Variants in APBB1IP observed in about 807,000 individuals in gnomAD.
The protein encoded by APBB1IP is amyloid beta precursor protein binding family B member 1 interacting protein.
APBB1IP carries 27 observed loss-of-function variants against 64.9 expected under a neutral mutation model. The observed-to-expected ratio is 0.42, with a 90% CI of 0.31 to 0.57. The LOEUF is 0.57. Ranked by LOEUF, APBB1IP falls within the 20% of genes least tolerant of loss-of-function variation. The pLI is 0.20. For missense variants in APBB1IP, 812 were observed against 845.5 expected, an observed-to-expected ratio of 0.96 and a Z score of 0.49; for synonymous variants, 392 against 331.0, an observed-to-expected ratio of 1.18 and a Z score of -2.00.
intron 2 of APBB1IP, among the ~76,000 whole-genome samples, chr10:26,482,219 G>A (rs1392219559): frequency 6.6e-6 from 1 of 152,080 alleles, no homozygotes; most frequent in Non-Finnish European, 1.5e-5. Flanking sequence ...TGGTTAAGTT[G>A]GCCCAAGAGG....
chr10:26,535,521 C>G (rs574611543), intron 9 of APBB1IP, among the ~76,000 whole-genome samples: 2 of 152,094 alleles, frequency 1.3e-5, no homozygotes, highest in African/African-American at 2.4e-5. Flanking sequence ...ACTATAGTCA[C>G]CCTGCTTTGC....
intron 2 of APBB1IP, among the ~76,000 whole-genome samples, chr10:26,459,679 A>G (rs1589192675): frequency 6.6e-6 from 1 of 152,162 alleles, no homozygotes. Context: ...TCAGCTGTTA[A>G]GGAAAATGTT....
intron 2 of APBB1IP, among the ~76,000 whole-genome samples, chr10:26,470,959 T>C (rs143251443): frequency 3.3e-5 from 5 of 152,188 alleles, no homozygotes; most frequent in Non-Finnish European, 5.9e-5. Context: ...GGCTTCATGA[T>C]AGTAAGAGCA....
chr10:26,449,530 T>G (rs1044326077), intron 2 of APBB1IP, among the ~76,000 whole-genome samples: 1 of 152,156 alleles, frequency 6.6e-6, no homozygotes, highest in East Asian at 1.9e-4. Context: ...TTGTTTTGTT[T>G]TGTGTGTGTG....
At chr10:26,510,485 C>T (rs1836238059) in intron 6 of APBB1IP, among the ~76,000 whole-genome samples, 1 of 152,090 alleles carries the variant, frequency 6.6e-6, no homozygotes, top group Non-Finnish European at 1.5e-5. Flanking sequence ...GTAATCCCAG[C>T]ACTTTAGGCC....
At chr10:26,505,611 C>A (rs1836164890) in intron 6 of APBB1IP, among the ~76,000 whole-genome samples, 1 of 151,966 alleles carries the variant, frequency 6.6e-6, no homozygotes, top group African/African-American at 2.4e-5. Flanking sequence ...TCCCAAAGTG[C>A]TGGGATTACA....
At position 26,503,186 on chromosome 10, in the gene APBB1IP, C is replaced by T; in HGVS notation, c.454-11C>T. On this transcript the variant is annotated splice_polypyrimidine_tract_variant and intron_variant, in intron 5 of 14. Transcript: ENST00000376236. ...ATGGACTGTATTGAAGAATATCTTG[C>T]CCTTTTCCAGGAAGAGGAAGAAGCC... 2 of 1,613,694 alleles carry T rather than the reference C, an allele frequency of 1.2e-6. No individual in the cohort carries two copies. The highest frequency in any genetic ancestry group is 1.7e-6 in the Non-Finnish European group (2 of 1,179,766).
At chr10:26,562,551 G>C in intron 14 of APBB1IP, 122 bp downstream of exon 14, 1 of 739,986 alleles carries the variant, frequency 1.4e-6, no homozygotes. Flanking sequence ...TGTAATCCCA[G>C]AACTTTGGGA....
rs35100053 is a variant in APBB1IP, at chr10:26,530,688, C to CA, written c.814-2737dup. Among the ~76,000 whole-genome samples, 296 of 145,362 alleles carry CA rather than the reference C, an allele frequency of 2.0e-3. 1 individual carries two copies. The highest frequency in any genetic ancestry group is 5.1e-3 in the African/African-American group (204 of 39,738). ...CTGGCGACAGAGCAAGACTCTGTCT[C>CA]AAAAAAAAAAAAAATTATTTAATAA... On this transcript the variant is annotated intron_variant, in intron 8 of 14. Transcript: ENST00000376236.
rs532499829 is a variant in APBB1IP at position 26,447,537 on chromosome 10, A to C, written c.-1+8684A>C. 5.3e-5 allele frequency among the ~76,000 whole-genome samples: 8 copies of C among 152,252 alleles called. No individual in the cohort carries two copies. The South Asian group carries it at 1.7e-3, about 32-fold the overall frequency. On this transcript the variant is annotated intron_variant, in intron 2 of 14. Coordinates refer to ENST00000376236, the MANE Select transcript of APBB1IP (RefSeq NM_019043.4). Reference sequence around the variant, plus strand: ...AATCTAATGTAACATAGAATGAGTAATATTCAGATTACATTAATGTGATGT... The same window carrying C: ...AATCTAATGTAACATAGAATGAGTACTATTCAGATTACATTAATGTGATGT...
Position 26,542,857 on chromosome 10 carries a change from C to G in APBB1IP, c.1155+1165C>G, listed in dbSNP as rs797019847. Among the ~76,000 whole-genome samples the G allele has an allele frequency of 4.0e-5, 6 of 151,178 alleles. No individual in the cohort carries two copies. The South Asian group carries it at 1.0e-3, about 26-fold the overall frequency. The stretch of plus-strand genomic sequence containing the variant: ...CTATACTAGCTCAGTCAGCCTGATA[C>G]TCCCCCAGTGGTTCTCAACCAGGCA... On this transcript the variant is annotated intron_variant, in intron 11 of 14. Coordinates refer to ENST00000376236, the MANE Select transcript of APBB1IP (RefSeq NM_019043.4).
chr10:26,533,873 A>G (rs1390333592), intron 9 of APBB1IP, among the ~76,000 whole-genome samples: 3 of 152,052 alleles, frequency 2.0e-5, no homozygotes, highest in Admixed American at 2.0e-4. Flanking sequence ...ATGCTCTCTC[A>G]ACATTTTAGA....
At position 26,455,900 on chromosome 10, in the gene APBB1IP, C is replaced by A. The variant is rs1008295655; in HGVS notation, c.-1+17047C>A. 8.5e-5 allele frequency among the ~76,000 whole-genome samples: 13 copies of A among 152,230 alleles called. No homozygotes were observed. The South Asian group carries it at 2.1e-3, about 24-fold the overall frequency. Reference sequence around the variant, plus strand: ...TATTAGCTGAAAAAATGGAAACAACCCAAATGTCCATCAACTAATAAAAAG... The same window carrying A: ...TATTAGCTGAAAAAATGGAAACAACACAAATGTCCATCAACTAATAAAAAG... On this transcript the variant is annotated intron_variant, in intron 2 of 14. Coordinates refer to ENST00000376236, the MANE Select transcript of APBB1IP (RefSeq NM_019043.4).
At chr10:26,531,914 C>A (rs1430393131) in intron 8 of APBB1IP, among the ~76,000 whole-genome samples, 2 of 152,088 alleles carry the variant, frequency 1.3e-5, no homozygotes, top group African/African-American at 4.8e-5. Flanking sequence ...TGACTGCACT[C>A]CAGCTTGGGT....
intron 8 of APBB1IP, among the ~76,000 whole-genome samples, chr10:26,523,757 C>G (rs1348892149): frequency 6.6e-6 from 1 of 151,688 alleles, no homozygotes; most frequent in East Asian, 1.9e-4. Context: ...TCACTTGAGG[C>G]TAGGAGTTCA....
chr10:26,438,931 A>T (rs1211102004), intron 2 of APBB1IP, 78 bp downstream of exon 2: 1 of 152,128 alleles, frequency 6.6e-6, no homozygotes, highest in Non-Finnish European at 1.5e-5. Context: ...CCCGTTTGTC[A>T]AGCCCGTCGG....
intron 4 of APBB1IP, among the ~76,000 whole-genome samples, chr10:26,497,522 A>G (rs1036190094): frequency 6.6e-5 from 10 of 151,296 alleles, no homozygotes; most frequent in African/African-American, 9.7e-5. Context: ...CTGCACTCCA[A>G]CCTGGGCGGC....
chr10:26,562,087 T>C (rs889505718), intron 13 of APBB1IP: 1 of 412,310 alleles, frequency 2.4e-6, no homozygotes, highest in Admixed American at 3.7e-5. Context: ...ATCTTTTTGC[T>C]GAATCTCATA....
At chr10:26,439,264 G>C (rs1835313765) in intron 2 of APBB1IP, among the ~76,000 whole-genome samples, 1 of 152,174 alleles carries the variant, frequency 6.6e-6, no homozygotes, top group Admixed American at 6.5e-5. Flanking sequence ...AGGGATTCTT[G>C]AGGGGCCAAG....
Sources: gnomAD v4.1 joint callset for allele counts (sites outside exome capture counted in the v4.1 genomes callset) on GRCh38, gnomAD v4.1.1 for gene constraint, MANE v1.5 for transcripts, NCBI Gene and HGNC (gene_info 2026-07-23, HGNC 2026-07-21) for gene names.